Variants in CCDC3 observed in about 807,000 individuals in gnomAD.
The protein encoded by CCDC3 is coiled-coil domain-containing protein 3.
CCDC3 carries 24 observed loss-of-function variants against 21.4 expected under a neutral mutation model. That is an observed-to-expected ratio of 1.12 (90% CI 0.81 to 1.58). The LOEUF (loss-of-function observed/expected upper bound fraction) is 1.58, where lower values mean the gene tolerates loss of function less well. Ranked by LOEUF, CCDC3 falls within the 40% of genes most tolerant of loss-of-function variation. The pLI is 0.00. For synonymous variants in CCDC3, 186 were observed against 166.0 expected (o/e 1.12, Z -0.93); for missense variants, 425 against 360.9 (o/e 1.18, Z -1.44).
intron 3 of CCDC3, among the ~76,000 whole-genome samples, chr10:13,078,679 C>T (rs1271919792): frequency 6.6e-6 from 1 of 152,086 alleles, no homozygotes; most frequent in Non-Finnish European, 1.5e-5. Flanking sequence ...ACTATGCAGC[C>T]ATAAAAAAGG....
chr10:13,021,041 AT>A (rs1285675135), intron 5 of CCDC3, among the ~76,000 whole-genome samples: 1 of 152,216 alleles, frequency 6.6e-6, no homozygotes, highest in East Asian at 1.9e-4. Flanking sequence ...TTGGAGGTTT[AT>A]TTAGCACTAA....
chr10:13,063,304 T>A lies in CCDC3; in HGVS notation c.-270+10564A>T, dbSNP rs1836784090. On this transcript the variant is annotated intron_variant, in intron 4 of 6. Coordinates refer to the CCDC3 transcript ENST00000378839. ...CCTTGGGTGGTTACAATATAAATAATTGTTCTAGGCATGGTGTCCTGCTAA... is the reference window on the plus strand; with the variant it reads ...CCTTGGGTGGTTACAATATAAATAAATGTTCTAGGCATGGTGTCCTGCTAA... Among the ~76,000 whole-genome samples the A allele has an allele frequency of 5.0e-5, 3 of 60,188 alleles. No individual in the cohort carries two copies. The South Asian group carries it at 1.3e-3, about 27-fold the overall frequency. The allele number at this position is 60,188 out of a possible 152,430, so 39.5% of individuals were successfully genotyped here.
intron 2 of CCDC3, among the ~76,000 whole-genome samples, chr10:12,993,743 T>A (rs1019512203): frequency 6.6e-6 from 1 of 152,122 alleles, no homozygotes; most frequent in African/African-American, 2.4e-5. Flanking sequence ...AGAGAGGCGG[T>A]GAACACGTAC....
chr10:12,918,248 A>G (rs1383258274), intron 2 of CCDC3, among the ~76,000 whole-genome samples: 1 of 152,202 alleles, frequency 6.6e-6, no homozygotes, highest in Non-Finnish European at 1.5e-5. Flanking sequence ...TTAGTTTTAT[A>G]ATATATGATG....
At chr10:12,902,343 G>T (rs1222888020) in intron 2 of CCDC3, among the ~76,000 whole-genome samples, 2 of 152,154 alleles carry the variant, frequency 1.3e-5, no homozygotes, top group Non-Finnish European at 2.9e-5. Flanking sequence ...GAGAAGGTGG[G>T]CATGAGAAAT....
At chr10:13,062,026 T>C (rs2668910) in intron 4 of CCDC3, among the ~76,000 whole-genome samples, 10,406 of 134,328 alleles carry the variant, frequency 0.077, 1,194 homozygotes, top group African/African-American at 0.27. Flanking sequence ...CAAAGAACCA[T>C]GTTTTGGGGT....
At chr10:13,099,927 G>A (rs1009523058), upstream of CCDC3, 1 of 151,944 alleles carries the variant, frequency 6.6e-6, no homozygotes, top group Non-Finnish European at 1.5e-5. Context: ...GTTCACCCGG[G>A]TCCCAGCCTC....
chr10:13,028,585 G>C (rs1836255978), intron 5 of CCDC3, among the ~76,000 whole-genome samples: 1 of 151,992 alleles, frequency 6.6e-6, no homozygotes, highest in South Asian at 2.1e-4. Context: ...AGATGACAGG[G>C]TTGAACAAAA....
Position 13,049,672 on chromosome 10 carries a change from A to T in CCDC3, c.-2+2T>A, listed in dbSNP as rs1257387650. 1 of 152,234 alleles carries T rather than the reference A, an allele frequency of 6.6e-6. No individual in the cohort carries two copies. Among genetic ancestry groups the T allele is most frequent in the Admixed American group, 6.5e-5 (1 of 15,286 alleles). 9.4% of individuals were successfully genotyped at this position (152,234 alleles called of 1,614,324 possible). A position where few individuals can be genotyped will look rare whatever the true frequency, so the allele number is the denominator to read the frequency against. ...GCAGCAGAAATCAAATGGCTTACTT[A>T]CGTTTAAAGGGGAGTTTGGCAGCTG... On this transcript the variant is annotated splice_donor_variant, in intron 5 of 6. Transcript: ENST00000378839. LOFTEE classifies it low-confidence loss of function (5UTR_SPLICE).
intron 2 of CCDC3, among the ~76,000 whole-genome samples, chr10:12,950,679 C>G (rs1178461335): frequency 6.6e-6 from 1 of 152,186 alleles, no homozygotes; most frequent in East Asian, 1.9e-4. Context: ...ACACAGAAGG[C>G]AAATGCAAAC....
intron 2 of CCDC3, among the ~76,000 whole-genome samples, chr10:12,948,279 G>C (rs1282923570): frequency 6.6e-6 from 1 of 152,168 alleles, no homozygotes; most frequent in Non-Finnish European, 1.5e-5. Context: ...GGAACTGTGA[G>C]TCCATTAAAC....
intron 4 of CCDC3, among the ~76,000 whole-genome samples, chr10:13,069,083 C>A (rs1173489857): frequency 6.6e-6 from 1 of 152,082 alleles, no homozygotes; most frequent in African/African-American, 2.4e-5. Context: ...TGGAGAAACT[C>A]CATCTCCACT....
rs143264985 is a variant in CCDC3 at position 12,903,804 on chromosome 10, C to G, written c.550-5125G>C. 9.1e-3 allele frequency among the ~76,000 whole-genome samples: 1,391 copies of G among 152,294 alleles called. 10 individuals are homozygous for G. Among genetic ancestry groups the G allele is most frequent in the African/African-American group, 0.024 (979 of 41,566 alleles). ...GGCTGGGATATCCATACTTCCTTAT[C>G]TGTCTAAAATAACACTTTTTAAAAC... is the stretch of plus-strand genomic sequence containing the variant. On this transcript the variant is annotated intron_variant, in intron 2 of 2. Transcript: ENST00000378825.
intron 2 of CCDC3, among the ~76,000 whole-genome samples, chr10:12,940,775 C>T (rs1191943935): frequency 6.6e-6 from 1 of 152,188 alleles, no homozygotes; most frequent in Admixed American, 6.5e-5. Context: ...TATAGCCTAA[C>T]CCTCCATGTT....
chr10:13,004,987 C>A (rs920993771), upstream of CCDC3, among the ~76,000 whole-genome samples: 9 of 152,172 alleles, frequency 5.9e-5, no homozygotes, highest in African/African-American at 2.2e-4. Flanking sequence ...TCACCTCTTC[C>A]CAAGATGTCC....
intron 4 of CCDC3, among the ~76,000 whole-genome samples, chr10:13,052,150 G>A (rs1225652854): frequency 6.6e-6 from 1 of 152,116 alleles, no homozygotes; most frequent in African/African-American, 2.4e-5. Context: ...TGAGAAGCAG[G>A]GATTGCTTAA....
chr10:13,079,850 G>A (rs544889811), intron 3 of CCDC3, among the ~76,000 whole-genome samples: 19 of 152,214 alleles, frequency 1.2e-4, no homozygotes, highest in African/African-American at 3.4e-4. Context: ...GAGCAGCAGA[G>A]AGAGAAAAAG....
intron 4 of CCDC3, among the ~76,000 whole-genome samples, chr10:13,072,043 T>C (rs1836889263): frequency 1.3e-5 from 2 of 152,090 alleles, no homozygotes; most frequent in Admixed American, 1.3e-4. Context: ...GGTAGTTTCA[T>C]TTTTTATTTT....
chr10:12,922,146 C>T (rs1310782409), intron 2 of CCDC3, among the ~76,000 whole-genome samples: 1 of 152,244 alleles, frequency 6.6e-6, no homozygotes, highest in Non-Finnish European at 1.5e-5. Flanking sequence ...CTCTTATCAT[C>T]TGTTCAGCTT....
Sources: gnomAD v4.1 joint callset for allele counts (sites outside exome capture counted in the v4.1 genomes callset) on GRCh38, gnomAD v4.1.1 for gene constraint, MANE v1.5 for transcripts, NCBI Gene and HGNC (gene_info 2026-07-23, HGNC 2026-07-21) for gene names.